Variants in STUM observed in about 807,000 individuals in gnomAD.
The protein encoded by STUM is stum, mechanosensory transduction mediator homolog.
In STUM, 8 loss-of-function variants were observed where a neutral mutation model predicts 15.3. The observed-to-expected ratio is 0.52, with a 90% CI of 0.31 to 0.94. The LOEUF (loss-of-function observed/expected upper bound fraction) is 0.94. Ranked by LOEUF, STUM falls within the 40% of genes least tolerant of loss-of-function variation. The pLI, the probability that STUM is intolerant of heterozygous loss-of-function variation, is 0.05. For missense variants in STUM, 142 were observed against 204.9 expected, an observed-to-expected ratio of 0.69 and a Z score of 1.87; for synonymous variants, 78 against 88.7, an observed-to-expected ratio of 0.88 and a Z score of 0.68.
intron 1 of STUM, among the ~76,000 whole-genome samples, chr1:226,562,285 G>A (rs1018151518): frequency 1.3e-5 from 2 of 151,798 alleles, no homozygotes; most frequent in Non-Finnish European, 2.9e-5. Flanking sequence ...CCTGGCCAGC[G>A]TGATGAAACC....
chr1:226,570,415 T>A (rs2102694508), intron 1 of STUM, among the ~76,000 whole-genome samples: 1 of 152,266 alleles, frequency 6.6e-6, no homozygotes, highest in Admixed American at 6.5e-5. Flanking sequence ...AACCACCCTG[T>A]AAAATACAAT....
intron 1 of STUM, among the ~76,000 whole-genome samples, chr1:226,559,897 CG>C (rs545938867): frequency 6.7e-6 from 1 of 148,938 alleles, no homozygotes; most frequent in Non-Finnish European, 1.5e-5. Flanking sequence ...GGCGTGAACC[CG>C]GGGGGGCGGA....
chr1:226,563,386 CA>C (rs1368463023), intron 1 of STUM, among the ~76,000 whole-genome samples: 1 of 152,212 alleles, frequency 6.6e-6, no homozygotes, highest in Non-Finnish European at 1.5e-5. Flanking sequence ...GAGATTTTTC[CA>C]GAGATCCTTA....
intron 1 of STUM, among the ~76,000 whole-genome samples, chr1:226,582,228 G>A (rs916238298): frequency 1.3e-5 from 2 of 152,204 alleles, no homozygotes; most frequent in African/African-American, 2.4e-5. Flanking sequence ...TTAATCCTTG[G>A]TTCTTTCCTG....
intron 1 of STUM, among the ~76,000 whole-genome samples, chr1:226,595,041 G>A (rs1037645818): frequency 3.3e-5 from 5 of 152,248 alleles, no homozygotes; most frequent in Admixed American, 3.3e-4. Context: ...GAGCTGCAGA[G>A]CTGGAGAAGC....
chr1:226,564,191 GT>G, intron 1 of STUM, among the ~76,000 whole-genome samples: 1 of 152,182 alleles, frequency 6.6e-6, no homozygotes, highest in East Asian at 1.9e-4. Context: ...TTTCCTTTTA[GT>G]TTCCCTTCTG....
chr1:226,601,978 C>G, intron 3 of STUM, 28 bp from the exon 4 acceptor site: 1 of 1,607,968 alleles, frequency 6.2e-7, no homozygotes, highest in Non-Finnish European at 8.5e-7. Flanking sequence ...AGGTGTCTAA[C>G]CATCTCTCCT....
At position 226,549,036 on chromosome 1, in the gene STUM, C is replaced by A; in HGVS notation, c.132C>A (p.Ala44=). Residue 44 remains alanine, a synonymous_variant, in exon 1 of 4, where the codon GCC becomes GCA. Coordinates refer to ENST00000366788, the MANE Select transcript of STUM (RefSeq NM_001003665.4). This position sits in a 1 kb window ranked among gnomAD's most constrained non-coding sequence, Gnocchi z 6.8. ...GCGAGAAGAAGGGCCCCCTGCGCGC[C>A]GCCATCCCCTACATGCCCTTCCCCG... ...QVREKKGPLR[A]AIPYMPFPVA... is the part of the protein sequence containing the mutation. 6.3e-7 allele frequency: 1 copy of A among 1,585,284 alleles called. No individual in the cohort carries two copies. Among genetic ancestry groups the A allele is most frequent in the Non-Finnish European group, 8.6e-7 (1 of 1,168,554 alleles).
chr1:226,598,715 G>C (rs926591073), intron 2 of STUM, among the ~76,000 whole-genome samples: 1 of 152,204 alleles, frequency 6.6e-6, no homozygotes, highest in African/African-American at 2.4e-5. Flanking sequence ...CTGGTCTGCA[G>C]GATAAGCAAG....
At chr1:226,595,001 G>C (rs1462961068) in intron 1 of STUM, among the ~76,000 whole-genome samples, 1 of 152,200 alleles carries the variant, frequency 6.6e-6, no homozygotes, top group Non-Finnish European at 1.5e-5. Flanking sequence ...TGATCACAGA[G>C]GTGGAGAAGT....
rs78791477 is a variant in STUM, at chr1:226,576,207, A to G, written c.203-20595A>G. On this transcript the variant is annotated intron_variant, in intron 1 of 3. Transcript: ENST00000366788. ...TTACTCCAGGTTGCAGGAGCAGCTC[A>G]TTAGAGGGAGTGACACACAGTCTCC... is the stretch of plus-strand genomic sequence containing the variant. Among the ~76,000 whole-genome samples the G allele has an allele frequency of 4.1e-3, 627 of 152,308 alleles. 3 individuals carry two copies. Among genetic ancestry groups the G allele is most frequent in the African/African-American group, 0.014 (595 of 41,558 alleles).
intron 1 of STUM, among the ~76,000 whole-genome samples, chr1:226,550,281 C>T (rs560040057): frequency 2.0e-5 from 3 of 152,352 alleles, no homozygotes; most frequent in African/African-American, 7.2e-5. Flanking sequence ...CCACGCAGGA[C>T]CCGTTCACTT....
intron 1 of STUM, among the ~76,000 whole-genome samples, chr1:226,572,367 G>A (rs1667724092): frequency 6.6e-6 from 1 of 152,172 alleles, no homozygotes; most frequent in Admixed American, 6.5e-5. Flanking sequence ...GTTGAAAGTA[G>A]GCACTTGGCC....
chr1:226,550,347 C>A (rs1461631315), intron 1 of STUM, among the ~76,000 whole-genome samples: 1 of 152,192 alleles, frequency 6.6e-6, no homozygotes. Flanking sequence ...GCCAGAGCAG[C>A]CTATCTGAGC....
rs3820632 is a variant in STUM at position 226,603,250 on chromosome 1, A to G, written c.*1210A>G. The G allele has an allele frequency of 0.22, 32,724 of 152,166 alleles. 3,594 individuals are homozygous for G. The highest frequency in any genetic ancestry group is 0.26 in the East Asian group (1,349 of 5,158). 9.4% of individuals were successfully genotyped at this position (152,166 alleles called of 1,614,324 possible). A position where few individuals can be genotyped will look rare whatever the true frequency, so the allele number is the denominator to read the frequency against. ...TACACAAGGACTCCTTCAGTTGCCA[A>G]AAGACCATGGGCCTCTTTAAGGAGC... is the stretch of plus-strand genomic sequence containing the variant. On this transcript the variant is annotated 3_prime_UTR_variant, in exon 4 of 4. Coordinates refer to ENST00000366788, the MANE Select transcript of STUM (RefSeq NM_001003665.4).
At chr1:226,555,680 T>A (rs577218761) in intron 1 of STUM, among the ~76,000 whole-genome samples, 1 of 152,114 alleles carries the variant, frequency 6.6e-6, no homozygotes, top group Non-Finnish European at 1.5e-5. Context: ...TCCCTTAGAG[T>A]CTGTCCACAA....
Position 226,552,699 on chromosome 1 carries a change from T to A in STUM, c.202+3593T>A, listed in dbSNP as rs1667390943. 6.6e-6 allele frequency among the ~76,000 whole-genome samples: 1 copy of A among 152,186 alleles called. No individual in the cohort carries two copies. Among genetic ancestry groups the A allele is most frequent in the Non-Finnish European group, 1.5e-5 (1 of 68,040 alleles). On this transcript the variant is annotated intron_variant, in intron 1 of 3. Coordinates refer to ENST00000366788, the MANE Select transcript of STUM (RefSeq NM_001003665.4). This position sits in a 1 kb window ranked among gnomAD's most constrained non-coding sequence, Gnocchi z 4.7. ...TGCCTACTCTTTGATGCTGCTAAAG[T>A]CTTGCTTGCTCAATAAAAGCACCAC...
intron 1 of STUM, among the ~76,000 whole-genome samples, chr1:226,587,332 C>A (rs892288631): frequency 1.3e-5 from 2 of 152,122 alleles, no homozygotes; most frequent in Non-Finnish European, 2.9e-5. Context: ...TTCCTTCTGT[C>A]CTCGGAAGGA....
intron 1 of STUM, among the ~76,000 whole-genome samples, chr1:226,554,448 C>T (rs1033633168): frequency 2.0e-5 from 3 of 152,182 alleles, no homozygotes; most frequent in Non-Finnish European, 4.4e-5. Flanking sequence ...AAATAAAAGT[C>T]ACCAAGGTGA....
Sources: gnomAD v4.1 joint callset for allele counts (sites outside exome capture counted in the v4.1 genomes callset) on GRCh38, gnomAD v4.1.1 for gene constraint, Gnocchi (gnomAD v3.1) non-coding constraint, MANE v1.5 for transcripts, NCBI Gene and HGNC (gene_info 2026-07-23, HGNC 2026-07-21) for gene names.